Variants in SYDE1 observed in about 807,000 individuals in gnomAD.
SYDE1 encodes rho GTPase-activating protein SYDE1.
A neutral mutation model predicts 63.3 loss-of-function variants in SYDE1; 34 were observed. That is an observed-to-expected ratio of 0.54 (90% CI 0.41 to 0.71). The LOEUF (loss-of-function observed/expected upper bound fraction) is 0.71, where lower values mean the gene tolerates loss of function less well. SYDE1 is among the 30% of genes least tolerant of loss of function. The pLI, the probability that SYDE1 is intolerant of heterozygous loss-of-function variation, is 0.00. For missense variants in SYDE1, 925 were observed against 1,042.5 expected (o/e 0.89, Z 1.55); for synonymous variants, 467 against 473.4 (o/e 0.99, Z 0.18).
chr19:15,110,367 G>A lies in SYDE1; in HGVS notation c.1075+19G>A. 1.4e-6 allele frequency: 2 copies of A among 1,435,980 alleles called. No individual in the cohort carries two copies. The highest frequency in any genetic ancestry group is 1.8e-6 in the Non-Finnish European group (2 of 1,096,234). The allele number at this position is 1,435,980 out of a possible 1,614,324, so 89.0% of individuals were successfully genotyped here. A position where few individuals can be genotyped will look rare whatever the true frequency, so the allele number is the denominator to read the frequency against. ...TTCCGAGGTAGGACATGCGGCTGCA[G>A]GGGAGGAGGGGCAGGGACCCCCAAA... On this transcript the variant is annotated intron_variant, in intron 3 of 7. Transcript: ENST00000342784. The surrounding 1 kb of genome is among the most constrained non-coding windows in gnomAD (Gnocchi z 6.9).
In SYDE1 at chr19:15,109,680, C is replaced by T; in HGVS notation, c.431-24C>T. On this transcript the variant is annotated intron_variant, in intron 2 of 7. Coordinates refer to ENST00000342784, the MANE Select transcript of SYDE1 (RefSeq NM_033025.6). This position sits in a 1 kb window ranked among gnomAD's most constrained non-coding sequence, Gnocchi z 5.0. Reference sequence around the variant, plus strand: ...CCTCCCCTAAGCCCAGGTTCCTGGACCCTGAAGTCTGCTCTCCACACAGGT... The same window carrying T: ...CCTCCCCTAAGCCCAGGTTCCTGGATCCTGAAGTCTGCTCTCCACACAGGT... 1 of 1,445,168 alleles carries T rather than the reference C, an allele frequency of 6.9e-7. No individual in the cohort carries two copies. The highest frequency in any genetic ancestry group is 9.2e-7 in the Non-Finnish European group (1 of 1,092,356). 89.5% of individuals were successfully genotyped at this position (1,445,168 alleles called of 1,614,324 possible).
rs553562781 is a variant in SYDE1 at position 15,108,781 on chromosome 19, G to C, written c.89-275G>C. 7 of 385,224 alleles carry C rather than the reference G, an allele frequency of 1.8e-5. No homozygotes were observed. Among genetic ancestry groups the C allele is most frequent in the African/African-American group, 2.1e-5 (1 of 48,188 alleles). 23.9% of individuals were successfully genotyped at this position (385,224 alleles called of 1,614,324 possible). ...GTGGAGACTGGAACGCAGTACCTAC[G>C]GGCCCCAGGAAGCCTGACTTAGAAC... On this transcript the variant is annotated intron_variant, in intron 1 of 7. Transcript: ENST00000342784. This position sits in a 1 kb window ranked among gnomAD's most constrained non-coding sequence, Gnocchi z 4.3.
intron 1 of SYDE1, 44 bp downstream of exon 1, chr19:15,107,565 C>A: frequency 6.9e-7 from 1 of 1,451,990 alleles, no homozygotes; most frequent in East Asian, 2.6e-5. Context: ...GAGCCCCACC[C>A]GGCCTGGGAG....
intron 1 of SYDE1, among the ~76,000 whole-genome samples, 183 bp downstream of exon 1, chr19:15,107,704 G>T (rs367555040): frequency 2.0e-5 from 3 of 151,684 alleles, no homozygotes; most frequent in South Asian, 2.1e-4. Flanking sequence ...TGGGAGGGAG[G>T]GGGGCGCGGA....
chr19:15,107,424 G>C lies in SYDE1; in HGVS notation c.-10G>C, dbSNP rs1250500527. ...GCGCGCACTCGGCTCGGCCCGGCCC[G>C]GGCCGCAGCATGGCCGAGCCGCTAC... On this transcript the variant is annotated 5_prime_UTR_variant, in exon 1 of 8. Transcript: ENST00000342784. The C allele has an allele frequency of 7.9e-5, 107 of 1,355,680 alleles. No homozygotes were observed. The East Asian group carries it at 3.6e-3, about 46-fold the overall frequency. The allele number at this position is 1,355,680 out of a possible 1,614,324, so 84.0% of individuals were successfully genotyped here.
At chr19:15,112,693 C>A (rs1432880764) in intron 7 of SYDE1, 122 bp downstream of exon 7, 2 of 808,094 alleles carry the variant, frequency 2.5e-6, no homozygotes, top group Non-Finnish European at 3.8e-6. Flanking sequence ...TAAACTGGTA[C>A]CTGGTTGCCT....
Position 15,112,407 on chromosome 19 carries a change from G to C in SYDE1, c.1640G>C (p.Arg547Pro). ...GTCTCCTCCTTCCATGCCTACAACC[G>C]CATGACCCCACAGAACTTGGCCGTG... ...RLVSSFHAYN[R>P]MTPQNLAVCF... The change falls in exon 7 of 8, where the codon CGC becomes CCC. Residue 547 changes from arginine to proline, a missense_variant. By Grantham distance (103) the Arg-to-Pro change is moderately radical. Coordinates refer to ENST00000342784, the MANE Select transcript of SYDE1 (RefSeq NM_033025.6). 6.3e-7 allele frequency: 1 copy of C among 1,598,860 alleles called. No individual in the cohort carries two copies. The highest frequency in any genetic ancestry group is 8.5e-7 in the Non-Finnish European group (1 of 1,173,066).
rs2046321596 is a variant in SYDE1 at position 15,108,706 on chromosome 19, G to A, written c.89-350G>A. 1 of 230,240 alleles carries A rather than the reference G, an allele frequency of 4.3e-6. No homozygotes were observed. 14.3% of individuals were successfully genotyped at this position (230,240 alleles called of 1,614,324 possible). ...CAGAGAGGGAAGCGACTTGCCCAAG[G>A]CCACGCAGGTGCAAAGCTCCATGCC... On this transcript the variant is annotated intron_variant, in intron 1 of 7. Transcript: ENST00000342784. The surrounding 1 kb of genome is among the most constrained non-coding windows in gnomAD (Gnocchi z 4.3).
rs1218773898 is a variant in SYDE1 at position 15,111,278 on chromosome 19, G to A, written c.1291-35G>A. 6.2e-7 allele frequency: 1 copy of A among 1,611,994 alleles called. No individual in the cohort carries two copies. The highest frequency in any genetic ancestry group is 8.5e-7 in the Non-Finnish European group (1 of 1,178,584). ...GGGCCCTGATTAGTCTGTGGCCCCGGCAAGAAGACATTCACTCTCTCTTCC... is the reference window on the plus strand; with the variant it reads ...GGGCCCTGATTAGTCTGTGGCCCCGACAAGAAGACATTCACTCTCTCTTCC... On this transcript the variant is annotated intron_variant, in intron 4 of 7. Coordinates refer to ENST00000342784, the MANE Select transcript of SYDE1 (RefSeq NM_033025.6). The surrounding 1 kb of genome is among the most constrained non-coding windows in gnomAD (Gnocchi z 5.5).
In SYDE1 at chr19:15,110,027, G is replaced by A. The variant is rs1212360968; in HGVS notation, c.754G>A (p.Glu252Lys). ...ATCACCCACCTCCTTCCGGCCCTAC[G>A]AGGTGGGTCCCGCAGCCCGGGCACC... ...PPSPTSFRPYEVGPAARAPPA... is the reference protein window; with the variant it reads ...PPSPTSFRPYKVGPAARAPPA... The change falls in exon 3 of 8, where the codon GAG (glutamate) becomes AAG (lysine). Residue 252 changes from glutamate to lysine, a missense_variant. Physicochemically the swap from Glu to Lys is moderately conservative, Grantham distance 56 (BLOSUM62 1). Around this residue, in one of 3 missense-constraint regions of SYDE1, gnomAD observed 599 missense variants for 653.7 expected, o/e 0.92. Coordinates refer to ENST00000342784, the MANE Select transcript of SYDE1 (RefSeq NM_033025.6). This position sits in a 1 kb window ranked among gnomAD's most constrained non-coding sequence, Gnocchi z 6.9. 6 of 1,505,090 alleles carry A rather than the reference G, an allele frequency of 4.0e-6. No individual in the cohort carries two copies. Among genetic ancestry groups the A allele is most frequent in the Admixed American group, 2.1e-5 (1 of 47,186 alleles). 93.2% of individuals were successfully genotyped at this position (1,505,090 alleles called of 1,614,324 possible).
rs779449256 is a variant in SYDE1, at chr19:15,113,696, G to A, written c.1941G>A (p.Pro647=). The A allele has an allele frequency of 1.5e-5, 24 of 1,613,210 alleles. No individual in the cohort carries two copies. Among genetic ancestry groups the A allele is most frequent in the East Asian group, 1.1e-4 (5 of 44,874 alleles). The stretch of plus-strand genomic sequence containing the variant: ...GTCGAGGAGGCCCCGAAAGCCCCCC[G>A]AGCAACCGCTACGCCGGCGACTGGA... ...PRGRGGPESP[P]SNRYAGDWSV... is the part of the protein sequence containing the mutation. The change falls in exon 8 of 8, where the codon CCG becomes CCA. Residue 647 remains proline, a synonymous_variant. Transcript: ENST00000342784.
chr19:15,110,059 C>G lies in SYDE1; in HGVS notation c.786C>G (p.Ala262=). ...GTCCCGCAGCCCGGGCACCCCCGGC[C>G]GCACTCTGGGGCCGCCTCAGCCTGC... ...EVGPAARAPP[A]ALWGRLSLHL... is the part of the protein sequence containing the mutation. Residue 262 remains alanine (A), a synonymous_variant, in exon 3 of 8, where the codon GCC becomes GCG. Transcript: ENST00000342784. The surrounding 1 kb of genome is among the most constrained non-coding windows in gnomAD (Gnocchi z 6.9). 2 of 1,498,180 alleles carry G rather than the reference C, an allele frequency of 1.3e-6. No individual in the cohort carries two copies. Among genetic ancestry groups the G allele is most frequent in the Non-Finnish European group, 1.8e-6 (2 of 1,131,496 alleles). 92.8% of individuals were successfully genotyped at this position (1,498,180 alleles called of 1,614,324 possible).
chr19:15,114,161 C>A lies in SYDE1; in HGVS notation c.*198C>A. ...GGCCCGGTATTTGGACACTAGTTGC[C>A]AAGTCTGGGGCCTGGGGATTTTAGG... is the stretch of plus-strand genomic sequence containing the variant. On this transcript the variant is annotated 3_prime_UTR_variant, in exon 8 of 8. Coordinates refer to ENST00000342784, the MANE Select transcript of SYDE1 (RefSeq NM_033025.6). 1 of 584,736 alleles carries A rather than the reference C, an allele frequency of 1.7e-6. No homozygotes were observed. The highest frequency in any genetic ancestry group is 3.0e-6 in the Non-Finnish European group (1 of 334,808). The allele number at this position is 584,736 out of a possible 1,614,324, so 36.2% of individuals were successfully genotyped here. A position where few individuals can be genotyped will look rare whatever the true frequency, so the allele number is the denominator to read the frequency against.
At position 15,113,633 on chromosome 19, in the gene SYDE1, G is replaced by A. The variant is rs779160653; in HGVS notation, c.1878G>A (p.Leu626=). The A allele has an allele frequency of 1.1e-5, 17 of 1,611,296 alleles. No individual in the cohort carries two copies. The highest frequency in any genetic ancestry group is 1.4e-5 in the Non-Finnish European group (17 of 1,178,834). Residue 626 remains leucine, a synonymous_variant, in exon 8 of 8, where the codon CTG becomes CTA. Transcript: ENST00000342784. ...LRPKRQPPLH[L]PLADPEVVTR... ...CCAAACGACAGCCACCTCTGCACCTGCCGCTGGCAGACCCCGAAGTGGTGA... is the reference window on the plus strand; with the variant it reads ...CCAAACGACAGCCACCTCTGCACCTACCGCTGGCAGACCCCGAAGTGGTGA...
In SYDE1 at chr19:15,112,481, C is replaced by T. The variant is rs766103143; in HGVS notation, c.1714C>T (p.Arg572Cys). The change falls in exon 7 of 8, where the codon CGT becomes TGT. Residue 572 changes from arginine to cysteine, a missense_variant. Around this residue, in one of 3 missense-constraint regions of SYDE1, gnomAD observed 255 missense variants for 255.9 expected, o/e 1.00. Transcript: ENST00000342784. Reference protein sequence around the residue: ...LPARQAPTRPRARSSGPGLAS... With the variant: ...LPARQAPTRPCARSSGPGLAS... ...GGCACGCCAGGCGCCCACAAGGCCT[C>T]GTGCCCGCAGCTCCGGCCCAGGCCT... 61 of 1,606,564 alleles carry T rather than the reference C, an allele frequency of 3.8e-5. No homozygotes were observed. The Middle Eastern group carries it at 9.9e-4, about 26-fold the overall frequency.
chr19:15,110,820 T>A lies in SYDE1; in HGVS notation c.1290+85T>A, dbSNP rs913283645. 8.2e-7 allele frequency: 1 copy of A among 1,222,724 alleles called. No homozygotes were observed. The highest frequency in any genetic ancestry group is 1.1e-6 in the Non-Finnish European group (1 of 897,656). The allele number at this position is 1,222,724 out of a possible 1,614,324, so 75.7% of individuals were successfully genotyped here. A position where few individuals can be genotyped will look rare whatever the true frequency, so the allele number is the denominator to read the frequency against. ...ACCCTATGTACAGATGCCAGACCCC[T>A]ACCCCCAGGCCTGAGCCACTCCTAG... On this transcript the variant is annotated intron_variant, in intron 4 of 7. Coordinates refer to ENST00000342784, the MANE Select transcript of SYDE1 (RefSeq NM_033025.6). This position sits in a 1 kb window ranked among gnomAD's most constrained non-coding sequence, Gnocchi z 6.9.
Position 15,110,055 on chromosome 19 carries a change from C to T in SYDE1, c.782C>T (p.Pro261Leu). 6.7e-7 allele frequency: 1 copy of T among 1,498,602 alleles called. No homozygotes were observed. Among genetic ancestry groups the T allele is most frequent in the South Asian group, 1.3e-5 (1 of 79,966 alleles). 92.8% of individuals were successfully genotyped at this position (1,498,602 alleles called of 1,614,324 possible). A position where few individuals can be genotyped will look rare whatever the true frequency, so the allele number is the denominator to read the frequency against. The change falls in exon 3 of 8, where the codon CCG (proline) becomes CTG (leucine). Residue 261 changes from proline (P) to leucine (L), a missense_variant. Around this residue, in one of 3 missense-constraint regions of SYDE1, gnomAD observed 599 missense variants for 653.7 expected, o/e 0.92. Coordinates refer to ENST00000342784, the MANE Select transcript of SYDE1 (RefSeq NM_033025.6). The surrounding 1 kb of genome is among the most constrained non-coding windows in gnomAD (Gnocchi z 6.9). Reference sequence around the variant, plus strand: ...GTGGGTCCCGCAGCCCGGGCACCCCCGGCCGCACTCTGGGGCCGCCTCAGC... The same window carrying T: ...GTGGGTCCCGCAGCCCGGGCACCCCTGGCCGCACTCTGGGGCCGCCTCAGC... The part of the protein sequence containing the change: ...YEVGPAARAP[P>L]AALWGRLSLH...
In SYDE1 at chr19:15,111,904, C is replaced by A; in HGVS notation, c.1578+112C>A. 9.0e-7 allele frequency: 1 copy of A among 1,106,318 alleles called. No individual in the cohort carries two copies. Among genetic ancestry groups the A allele is most frequent in the Non-Finnish European group, 1.3e-6 (1 of 791,208 alleles). The allele number at this position is 1,106,318 out of a possible 1,614,324, so 68.5% of individuals were successfully genotyped here. ...CATGAGCTGGCAGCATCATCATATC[C>A]CCAAGAAATAGGTGCTATTAGCATC... On this transcript the variant is annotated intron_variant, in intron 6 of 7. Coordinates refer to ENST00000342784, the MANE Select transcript of SYDE1 (RefSeq NM_033025.6). This position sits in a 1 kb window ranked among gnomAD's most constrained non-coding sequence, Gnocchi z 5.5.
Position 15,113,943 on chromosome 19 carries a change from C to G in SYDE1, c.2188C>G (p.Gln730Glu), listed in dbSNP as rs547245669. ...GGATCTGGAGAGAGAGCTCTCCAAG[C>G]AAATCAACGTGTGCCTCTGAGCCAG... ...ILDLERELSK[Q>E]INVCL The change falls in exon 8 of 8, where the codon CAA becomes GAA. Residue 730 changes from glutamine (Q) to glutamate (E), a missense_variant. Gln to Glu is a conservative substitution (Grantham distance 29). Around this residue, in one of 3 missense-constraint regions of SYDE1, gnomAD observed 255 missense variants for 255.9 expected, o/e 1.00. Transcript: ENST00000342784. 9.0e-5 allele frequency: 145 copies of G among 1,612,698 alleles called. 3 individuals carry two copies. The South Asian group carries it at 1.5e-3, about 17-fold the overall frequency.
Sources: gnomAD v4.1 joint callset for allele counts (sites outside exome capture counted in the v4.1 genomes callset) on GRCh38, gnomAD v4.1.1 for gene constraint, gnomAD v4.1.1 regional missense constraint, Gnocchi (gnomAD v3.1) non-coding constraint, MANE v1.5 for transcripts, NCBI Gene and HGNC (gene_info 2026-07-23, HGNC 2026-07-21) for gene names.